Variants in CALN1 observed in about 807,000 individuals in gnomAD.
CALN1 encodes calcium-binding protein 8.
In CALN1, 17 loss-of-function variants were observed where a neutral mutation model predicts 30.6. That is an observed-to-expected ratio of 0.56 (90% CI 0.38 to 0.83). CALN1 has a LOEUF of 0.83. Ranked by LOEUF, CALN1 falls within the 40% of genes least tolerant of loss-of-function variation. The pLI is 0.00. For synonymous variants in CALN1, 156 were observed against 131.4 expected, an observed-to-expected ratio of 1.19 and a Z score of -1.28; for missense variants, 291 against 354.9, an observed-to-expected ratio of 0.82 and a Z score of 1.45.
chr7:72,283,433 G>A (rs1797866733), intron 2 of CALN1, among the ~76,000 whole-genome samples: 3 of 152,054 alleles, frequency 2.0e-5, no homozygotes, highest in Admixed American at 2.0e-4. Context: ...TACTCCGGAG[G>A]CTGAAGTGAG....
chr7:71,944,354 G>A (rs1796290402), intron 5 of CALN1, among the ~76,000 whole-genome samples: 1 of 152,046 alleles, frequency 6.6e-6, no homozygotes, highest in Non-Finnish European at 1.5e-5. Context: ...CAGCACTTTG[G>A]GAGGCTGAGG....
At chr7:72,330,065 C>T (rs956781006) in intron 2 of CALN1, among the ~76,000 whole-genome samples, 8 of 150,940 alleles carry the variant, frequency 5.3e-5, no homozygotes, top group Non-Finnish European at 7.4e-5. Context: ...CTGAGGCAGG[C>T]GGATCACCTG....
chr7:72,105,794 G>GGAGTGGGGGAGGGAGT (rs139352361), intron 4 of CALN1, among the ~76,000 whole-genome samples: 1 of 99,956 alleles, frequency 1.0e-5, no homozygotes, highest in African/African-American at 4.2e-5. Flanking sequence ...GAGGGGGGAG[G>GGAGTGGGGGAGGGAGT]GAGGGAGGGA....
rs138275366 is a variant in CALN1, at chr7:71,906,833, G to A, written c.502-96341C>T. 2.3e-3 allele frequency among the ~76,000 whole-genome samples: 345 copies of A among 152,328 alleles called. 2 individuals are homozygous for A. Among genetic ancestry groups the A allele is most frequent in the Non-Finnish European group, 3.8e-3 (258 of 68,026 alleles). On this transcript the variant is annotated intron_variant, in intron 5 of 6. Transcript: ENST00000395275. ...AGGAGTAAGACTGGCAGCAGCCAAG[G>A]GTTTTGCAGTTGGGTTGCCCAGGTG...
At chr7:72,199,991 A>C (rs1325115955) in intron 3 of CALN1, among the ~76,000 whole-genome samples, 1 of 152,162 alleles carries the variant, frequency 6.6e-6, no homozygotes, top group East Asian at 1.9e-4. Context: ...CAGAATTCTC[A>C]AGCGACCTCT....
chr7:72,499,466 C>A, the CALN1 span, among the ~76,000 whole-genome samples: 1 of 152,022 alleles, frequency 6.6e-6, no homozygotes, highest in Non-Finnish European at 1.5e-5. Context: ...TGAACTAATT[C>A]CTCATTATGA....
chr7:72,362,600 G>A (rs767529530), intron 2 of CALN1, among the ~76,000 whole-genome samples: 1 of 152,068 alleles, frequency 6.6e-6, no homozygotes, highest in Non-Finnish European at 1.5e-5. Context: ...GGTTCCAGAG[G>A]CCTCTCATCT....
intron 4 of CALN1, among the ~76,000 whole-genome samples, chr7:72,063,070 C>T (rs1345932338): frequency 6.6e-6 from 1 of 152,128 alleles, no homozygotes; most frequent in Admixed American, 6.6e-5. Flanking sequence ...TAATACCTCT[C>T]ATGAACTTAG....
intron 2 of CALN1, among the ~76,000 whole-genome samples, chr7:72,282,446 A>G (rs1215267533): frequency 6.6e-6 from 1 of 152,192 alleles, no homozygotes; most frequent in African/African-American, 2.4e-5. Flanking sequence ...TGGTAGTATT[A>G]AGAGATGGAG....
Position 71,853,511 on chromosome 7 carries a change from AATGT to A in CALN1, c.502-43023_502-43020del, listed in dbSNP as rs570803990. 6.5e-3 allele frequency among the ~76,000 whole-genome samples: 996 copies of A among 152,200 alleles called. 6 individuals are homozygous for A. The highest frequency in any genetic ancestry group is 9.3e-3 in the Non-Finnish European group (632 of 68,012). On this transcript the variant is annotated intron_variant, in intron 5 of 6. Coordinates refer to ENST00000395275, the MANE Select transcript of CALN1 (RefSeq NM_031468.4). ...ATATATCTTTATTGAGAGTCTTCAC[AATGT>A]ATGATAGATCTTTTGAAATTATTTT...
At chr7:71,983,413 AT>A (rs1798501400) in intron 5 of CALN1, among the ~76,000 whole-genome samples, 3 of 152,224 alleles carry the variant, frequency 2.0e-5, no homozygotes, top group African/African-American at 4.8e-5. Flanking sequence ...GATAGTACAA[AT>A]GAGTCCAACA....
intron 3 of CALN1, among the ~76,000 whole-genome samples, chr7:72,152,112 G>A (rs936409299): frequency 2.6e-5 from 4 of 151,748 alleles, no homozygotes; most frequent in Non-Finnish European, 5.9e-5. Flanking sequence ...CACCATGTTG[G>A]CCAGGCTGGT....
chr7:72,130,467 G>A (rs1809063500), intron 3 of CALN1, among the ~76,000 whole-genome samples: 1 of 152,130 alleles, frequency 6.6e-6, no homozygotes, highest in Non-Finnish European at 1.5e-5. Context: ...GGTATAGTGG[G>A]GAGCGTAGCT....
chr7:71,805,350 T>A (rs1344561880), intron 6 of CALN1, among the ~76,000 whole-genome samples: 1 of 152,176 alleles, frequency 6.6e-6, no homozygotes, highest in Non-Finnish European at 1.5e-5. Flanking sequence ...GTGGGGGCTC[T>A]GGGGCTGAGG....
intron 5 of CALN1, among the ~76,000 whole-genome samples, chr7:71,869,006 C>T (rs750995615): frequency 6.6e-6 from 1 of 152,082 alleles, no homozygotes; most frequent in Non-Finnish European, 1.5e-5. Context: ...CTTCCATGGT[C>T]TCCTTTTTAA....
chr7:71,837,089 G>A (rs1015366950), intron 5 of CALN1, among the ~76,000 whole-genome samples: 7 of 151,410 alleles, frequency 4.6e-5, no homozygotes, highest in South Asian at 2.1e-4. Flanking sequence ...AAAGTTAGTC[G>A]GGCATGGTAG....
chr7:72,226,172 G>T (rs1402593735), intron 3 of CALN1, among the ~76,000 whole-genome samples: 5 of 151,874 alleles, frequency 3.3e-5, no homozygotes, highest in Admixed American at 6.6e-5. Flanking sequence ...TTGAATCCGG[G>T]AGATGGAGGT....
chr7:71,932,060 A>C (rs534382683), intron 5 of CALN1, among the ~76,000 whole-genome samples: 1 of 152,190 alleles, frequency 6.6e-6, no homozygotes, highest in Non-Finnish European at 1.5e-5. Flanking sequence ...TCACTGAATC[A>C]CCAGCTTTTC....
At chr7:72,328,187 T>C (rs1801415864) in intron 2 of CALN1, among the ~76,000 whole-genome samples, 1 of 152,180 alleles carries the variant, frequency 6.6e-6, no homozygotes. Flanking sequence ...ATTGGGCACC[T>C]TGTCAAAACA....
Sources: gnomAD v4.1 joint callset for allele counts (sites outside exome capture counted in the v4.1 genomes callset) on GRCh38, gnomAD v4.1.1 for gene constraint, MANE v1.5 for transcripts, NCBI Gene and HGNC (gene_info 2026-07-23, HGNC 2026-07-21) for gene names.